The following GCLC variants were observed in gnomAD, a reference collection of about 807,000 sequenced individuals.
GCLC encodes the protein glutamate-cysteine ligase catalytic subunit, also known as glutamate--cysteine ligase catalytic subunit.
In GCLC, 30 loss-of-function variants were observed where a neutral mutation model predicts 81.5. That is an observed-to-expected ratio of 0.37 (90% CI 0.28 to 0.50). The LOEUF (loss-of-function observed/expected upper bound fraction) is 0.50, where lower values mean the gene tolerates loss of function less well. Among genes scored for constraint, GCLC ranks in the 20% least tolerant of loss-of-function variants. GCLC has a pLI of 0.96. For missense variants in GCLC, 556 were observed against 777.4 expected, an observed-to-expected ratio of 0.72 and a Z score of 3.39; for synonymous variants, 262 against 273.3, an observed-to-expected ratio of 0.96 and a Z score of 0.41.
At chr6:53,513,956 T>C in intron 6 of GCLC, 1 of 471,760 alleles carries the variant, frequency 2.1e-6, no homozygotes. Flanking sequence ...TTAACTGAAA[T>C]TACAGTTATA....
intron 12 of GCLC, among the ~76,000 whole-genome samples, chr6:53,502,643 A>G (rs1764534719): frequency 6.6e-6 from 1 of 152,218 alleles, no homozygotes; most frequent in Non-Finnish European, 1.5e-5. Flanking sequence ...CTATCATTCC[A>G]AAAGGTCACT....
intron 9 of GCLC, 135 bp from the exon 10 acceptor site, chr6:53,507,160 G>T: frequency 1.4e-6 from 1 of 720,012 alleles, no homozygotes; most frequent in Non-Finnish European, 2.6e-6. Flanking sequence ...GGTTTGATTA[G>T]TATCCTCACC....
intron 3 of GCLC, among the ~76,000 whole-genome samples, chr6:53,518,071 T>C (rs1561944265): frequency 6.6e-6 from 1 of 152,062 alleles, no homozygotes; most frequent in Non-Finnish European, 1.5e-5. Flanking sequence ...ATAGGGAGGC[T>C]TCTAACCACT....
intron 1 of GCLC, among the ~76,000 whole-genome samples, chr6:53,528,521 T>C (rs1254128707): frequency 6.6e-6 from 1 of 152,224 alleles, no homozygotes; most frequent in African/African-American, 2.4e-5. Flanking sequence ...ATTAAATTGT[T>C]CTATGTTCCA....
intron 12 of GCLC, among the ~76,000 whole-genome samples, chr6:53,501,685 A>C (rs868335350): frequency 6.6e-6 from 1 of 152,216 alleles, no homozygotes; most frequent in Admixed American, 6.5e-5. Flanking sequence ...TAAGAGACAC[A>C]CAGGACCTTC....
At position 53,522,513 on chromosome 6, in the gene GCLC, C is replaced by T; in HGVS notation, c.165G>A (p.Leu55=). The change falls in exon 2 of 16, where the codon TTG becomes TTA. Residue 55 remains leucine, a synonymous_variant. Coordinates refer to ENST00000650454, the MANE Select transcript of GCLC (RefSeq NM_001498.4). ...TTTTATTTTCATGATCAAAAGATACCAACATGTATTCCACCTATTGAAAAT... is the reference window on the plus strand; with the variant it reads ...TTTTATTTTCATGATCAAAAGATACTAACATGTATTCCACCTATTGAAAAT... ...LKWGDEVEYM[L]VSFDHENKKV... The T allele has an allele frequency of 6.3e-7, 1 of 1,596,978 alleles. No individual in the cohort carries two copies. The highest frequency in any genetic ancestry group is 8.6e-7 in the Non-Finnish European group (1 of 1,164,640).
At chr6:53,521,597 A>G (rs963077836) in intron 2 of GCLC, among the ~76,000 whole-genome samples, 2 of 152,134 alleles carry the variant, frequency 1.3e-5, no homozygotes. Context: ...AGCTTCCCCA[A>G]AACGAATGAG....
intron 1 of GCLC, among the ~76,000 whole-genome samples, chr6:53,535,360 C>T (rs1763240737): frequency 6.6e-6 from 1 of 151,974 alleles, no homozygotes; most frequent in Non-Finnish European, 1.5e-5. Flanking sequence ...ACTAAAAACA[C>T]AAAATTAGCC....
At chr6:53,533,135 T>C (rs1763200320) in intron 1 of GCLC, among the ~76,000 whole-genome samples, 1 of 152,214 alleles carries the variant, frequency 6.6e-6, no homozygotes, top group African/African-American at 2.4e-5. Flanking sequence ...TCATCACTCA[T>C]TCAGTTTCAC....
rs1396531610 is a variant in GCLC, at chr6:53,544,853, G to C, written c.-208C>G. On this transcript the variant is annotated 5_prime_UTR_variant, in exon 1 of 16. Transcript: ENST00000650454. ...CGCCCAGGTGACAGACCCTGGGTCC[G>C]ACGCACCGCGCGGAGGCGAAGGCAG... The C allele has an allele frequency of 1.2e-5, 5 of 428,534 alleles. No individual in the cohort carries two copies. Among genetic ancestry groups the C allele is most frequent in the East Asian group, 4.1e-5 (1 of 24,548 alleles). The allele number at this position is 428,534 out of a possible 1,614,324, so 26.5% of individuals were successfully genotyped here.
chr6:53,514,156 A>C (rs906395402), intron 6 of GCLC, 48 bp downstream of exon 6: 2 of 1,597,918 alleles, frequency 1.3e-6, no homozygotes, highest in African/African-American at 1.3e-5. Context: ...AAGTTAAAAA[A>C]CAGAAATGGA....
At chr6:53,519,420 C>A (rs1191637057) in intron 3 of GCLC, among the ~76,000 whole-genome samples, 1 of 151,698 alleles carries the variant, frequency 6.6e-6, no homozygotes, top group African/African-American at 2.4e-5. Context: ...CATCCCACCC[C>A]CTCCCCCTCC....
intron 1 of GCLC, among the ~76,000 whole-genome samples, chr6:53,536,531 G>A (rs1400596173): frequency 6.6e-6 from 1 of 152,112 alleles, no homozygotes; most frequent in Non-Finnish European, 1.5e-5. Context: ...GTACTAATTA[G>A]CAAGCTCGTT....
At chr6:53,544,335 G>A (rs989253854) in intron 1 of GCLC, among the ~76,000 whole-genome samples, 161 bp downstream of exon 1, 2 of 152,230 alleles carry the variant, frequency 1.3e-5, no homozygotes, top group South Asian at 4.1e-4. Flanking sequence ...CGGACTAGGC[G>A]AAAGCAGGGA....
chr6:53,544,724 G>T lies in GCLC; in HGVS notation c.-79C>A. ...CCGGGCGCGAGACGGACACTCAGCCGCCCGCAGAAGGCGGCTGCCGCTCCA... is the reference window on the plus strand; with the variant it reads ...CCGGGCGCGAGACGGACACTCAGCCTCCCGCAGAAGGCGGCTGCCGCTCCA... On this transcript the variant is annotated 5_prime_UTR_variant, in exon 1 of 16. Coordinates refer to ENST00000650454, the MANE Select transcript of GCLC (RefSeq NM_001498.4). 1.4e-6 allele frequency: 2 copies of T among 1,390,686 alleles called. No homozygotes were observed. 86.1% of individuals were successfully genotyped at this position (1,390,686 alleles called of 1,614,324 possible). A position where few individuals can be genotyped will look rare whatever the true frequency, so the allele number is the denominator to read the frequency against.
At chr6:53,503,689 A>G (rs1423461362) in intron 12 of GCLC, among the ~76,000 whole-genome samples, 2 of 152,220 alleles carry the variant, frequency 1.3e-5, no homozygotes, top group Admixed American at 6.5e-5. Flanking sequence ...TTTGAGTTAA[A>G]TATTTGTCTC....
intron 6 of GCLC, chr6:53,513,451 C>G (rs1764794967): frequency 6.6e-6 from 1 of 152,208 alleles, no homozygotes; most frequent in South Asian, 2.1e-4. Flanking sequence ...TAGAGTCAGA[C>G]CTAGAAGGGG....
At chr6:53,544,417 G>A (rs1355111695) in intron 1 of GCLC, 79 bp downstream of exon 1, 1 of 1,472,052 alleles carries the variant, frequency 6.8e-7, no homozygotes. Flanking sequence ...CGATAGGGCC[G>A]GGGGCGTAGG....
At chr6:53,522,004 A>C (rs1253470831) in intron 2 of GCLC, among the ~76,000 whole-genome samples, 1 of 152,204 alleles carries the variant, frequency 6.6e-6, no homozygotes, top group African/African-American at 2.4e-5. Context: ...AAACAAAGCC[A>C]AACAAAGCCC....
Sources: gnomAD v4.1 joint callset for allele counts (sites outside exome capture counted in the v4.1 genomes callset) on GRCh38, gnomAD v4.1.1 for gene constraint, MANE v1.5 for transcripts, NCBI Gene and HGNC (gene_info 2026-07-23, HGNC 2026-07-21) for gene names.